Variants in DNAH14 observed in about 807,000 individuals in gnomAD.
DNAH14 encodes the protein dynein axonemal heavy chain 14.
A neutral mutation model predicts 520.9 loss-of-function variants in DNAH14; 478 were observed. The observed-to-expected ratio is 0.92, with a 90% CI of 0.85 to 0.99. The LOEUF is 0.99. DNAH14 is among the 50% of genes least tolerant of loss of function. DNAH14 has a pLI of 0.00. For synonymous variants in DNAH14, 1,581 were observed against 1,757.2 expected, an observed-to-expected ratio of 0.90 and a Z score of 2.51; for missense variants, 4,831 against 5,234.5, an observed-to-expected ratio of 0.92 and a Z score of 2.38.
chr1:225,309,660 C>G (rs189281249), intron 60 of DNAH14, among the ~76,000 whole-genome samples: 212 of 152,092 alleles, frequency 1.4e-3, no homozygotes, highest in African/African-American at 4.8e-3. Context: ...TTTGGGAGGC[C>G]GAGGCGGGTA....
At chr1:225,229,915 T>C (rs1258103975) in intron 41 of DNAH14, among the ~76,000 whole-genome samples, 2 of 152,036 alleles carry the variant, frequency 1.3e-5, no homozygotes, top group Non-Finnish European at 2.9e-5. Flanking sequence ...TAAAGTATAA[T>C]AAAAAATAAA....
chr1:225,398,279 G>A (rs1055366371), intron 84 of DNAH14, among the ~76,000 whole-genome samples: 3 of 152,150 alleles, frequency 2.0e-5, no homozygotes, highest in Non-Finnish European at 4.4e-5. Flanking sequence ...TGCTGAGGAA[G>A]GGTGTCATGG....
chr1:225,284,781 T>C (rs531838566), intron 54 of DNAH14, among the ~76,000 whole-genome samples: 79 of 152,340 alleles, frequency 5.2e-4, no homozygotes, highest in African/African-American at 1.8e-3. Context: ...GCAAGTATTA[T>C]ACATCATAAA....
intron 3 of DNAH14, 27 bp downstream of exon 3, chr1:224,955,125 A>G: frequency 6.3e-7 from 1 of 1,592,338 alleles, no homozygotes; most frequent in Non-Finnish European, 8.5e-7. Flanking sequence ...CTATTCTGGC[A>G]TGTTGATTTA....
At chr1:225,319,884 A>G (rs1574744237) in intron 61 of DNAH14, among the ~76,000 whole-genome samples, 1 of 152,302 alleles carries the variant, frequency 6.6e-6, no homozygotes, top group East Asian at 1.9e-4. Flanking sequence ...GTCTGAAGAC[A>G]GAAATGTGCT....
chr1:225,318,522 A>C, intron 60 of DNAH14, 61 bp from the exon 61 acceptor site: 1 of 1,427,144 alleles, frequency 7.0e-7, no homozygotes, highest in Non-Finnish European at 9.4e-7. Context: ...AGCATACAAA[A>C]ATTTTAAATA....
At chr1:225,335,996 TGC>T (rs749365240) in intron 66 of DNAH14, among the ~76,000 whole-genome samples, 1 of 131,018 alleles carries the variant, frequency 7.6e-6, no homozygotes, top group East Asian at 2.1e-4. Context: ...TACACACATA[TGC>T]ATATATGTAT....
At chr1:225,174,614 T>C (rs1254977961) in intron 36 of DNAH14, among the ~76,000 whole-genome samples, 1 of 151,336 alleles carries the variant, frequency 6.6e-6, no homozygotes, top group Non-Finnish European at 1.5e-5. Flanking sequence ...TCATGTCATC[T>C]GCAAACAGGA....
At chr1:225,198,160 AT>A (rs1009449398) in intron 38 of DNAH14, among the ~76,000 whole-genome samples, 1 of 150,958 alleles carries the variant, frequency 6.6e-6, no homozygotes, top group African/African-American at 2.4e-5. Context: ...TCACTATTAT[AT>A]TGGTTGCGGG....
At chr1:225,000,604 A>G (rs1303970314) in intron 8 of DNAH14, among the ~76,000 whole-genome samples, 1 of 141,796 alleles carries the variant, frequency 7.1e-6, no homozygotes, top group Non-Finnish European at 1.5e-5. Context: ...GTGGGATCTC[A>G]CTCTGTTGCC....
chr1:225,294,119 A>G (rs2093954685), intron 55 of DNAH14, among the ~76,000 whole-genome samples: 1 of 152,116 alleles, frequency 6.6e-6, no homozygotes, highest in Non-Finnish European at 1.5e-5. Flanking sequence ...TTCCTTCAAT[A>G]GCTAATTTAT....
At chr1:225,044,048 C>A (rs113294407) in intron 15 of DNAH14, 65 bp downstream of exon 15, 1 of 917,650 alleles carries the variant, frequency 1.1e-6, no homozygotes, top group Non-Finnish European at 1.6e-6. Flanking sequence ...TAAATTTAAG[C>A]ATCTGATGCC....
rs2093130901 is a variant in DNAH14 at position 225,266,680 on chromosome 1, G to C, written c.7450G>C (p.Asp2484His). The C allele has an allele frequency of 1.3e-6, 2 of 1,513,980 alleles. No homozygotes were observed. Among genetic ancestry groups the C allele is most frequent in the African/African-American group, 2.8e-5 (2 of 70,778 alleles). The allele number at this position is 1,513,980 out of a possible 1,614,324, so 93.8% of individuals were successfully genotyped here. ...TGATGATATGAATATGCCAGTATCAGATATGTATGGAGCACAGCCACCCCT... is the reference window on the plus strand; with the variant it reads ...TGATGATATGAATATGCCAGTATCACATATGTATGGAGCACAGCCACCCCT... ...FIDDMNMPVS[D>H]MYGAQPPLEL... is the part of the protein sequence containing the mutation. Residue 2484 changes from aspartate (D) to histidine (H), a missense_variant, in exon 49 of 86, where the codon GAT (aspartate) becomes CAT (histidine). By Grantham distance (81) the Asp-to-His change is moderately conservative. Transcript: ENST00000682510.
chr1:225,152,126 A>G, intron 32 of DNAH14, 53 bp downstream of exon 32: 1 of 1,448,404 alleles, frequency 6.9e-7, no homozygotes, highest in East Asian at 2.5e-5. Flanking sequence ...TCATTTTCTT[A>G]AATCTTATCT....
intron 76 of DNAH14, among the ~76,000 whole-genome samples, chr1:225,366,939 T>C (rs1422837750): frequency 6.6e-6 from 1 of 151,880 alleles, no homozygotes; most frequent in Non-Finnish European, 1.5e-5. Context: ...CCTCCTCTTA[T>C]GGTACAAATC....
chr1:225,354,324 A>G, intron 73 of DNAH14: 1 of 696,580 alleles, frequency 1.4e-6, no homozygotes, highest in Non-Finnish European at 2.6e-6. Flanking sequence ...TTTTTGCCTC[A>G]TACCTAAACC....
rs1339258127 is a variant in DNAH14 at position 225,322,779 on chromosome 1, C to A, written c.9451C>A (p.Leu3151Met). The A allele has an allele frequency of 6.4e-7, 1 of 1,551,656 alleles. No homozygotes were observed. The highest frequency in any genetic ancestry group is 1.2e-5 in the South Asian group (1 of 84,026). Residue 3151 changes from leucine (L) to methionine (M), a missense_variant, in exon 62 of 86, where the codon CTG becomes ATG. Leu to Met is a conservative substitution (Grantham distance 15, BLOSUM62 2). Coordinates refer to ENST00000682510, the MANE Select transcript of DNAH14 (RefSeq NM_001367479.1). ...GTTACTTCTTTCAGAAACTGGTTTC[C>A]TGAAAAAATTGATTAACCTTGACAA... ...AKLLLSETGF[L>M]KKLINLDKDS...
Position 225,351,099 on chromosome 1 carries a change from T to C in DNAH14, c.11297-548T>C, listed in dbSNP as rs142526949. The stretch of plus-strand genomic sequence containing the variant: ...GAATATATTTAACACTACTGAACTG[T>C]ACACTTAAGAATGGTTAAGATTGGC... On this transcript the variant is annotated intron_variant, in intron 71 of 85. Coordinates refer to ENST00000682510, the MANE Select transcript of DNAH14 (RefSeq NM_001367479.1). Among the ~76,000 whole-genome samples, 600 of 152,310 alleles carry C rather than the reference T, an allele frequency of 3.9e-3. 4 individuals carry two copies. The highest frequency in any genetic ancestry group is 0.014 in the African/African-American group (576 of 41,566).
intron 17 of DNAH14, among the ~76,000 whole-genome samples, chr1:225,069,816 C>T (rs1230221677): frequency 2.0e-5 from 3 of 152,076 alleles, no homozygotes; most frequent in African/African-American, 7.2e-5. Flanking sequence ...TGGTAGAATT[C>T]AACTGTGAAT....
Sources: allele counts gnomAD v4.1 joint callset (sites outside exome capture counted in the v4.1 genomes callset), GRCh38; gene constraint gnomAD v4.1.1; transcripts MANE v1.5; gene names NCBI Gene and HGNC (gene_info 2026-07-23, HGNC 2026-07-21).